Variants in DENND4C observed in about 807,000 individuals in gnomAD.
DENND4C encodes DENN domain-containing protein 4C.
In DENND4C, 108 loss-of-function variants were observed where a neutral mutation model predicts 203.0. The observed-to-expected ratio is 0.53, with a 90% CI of 0.46 to 0.62. DENND4C has a LOEUF of 0.62. Among genes scored for constraint, DENND4C ranks in the 20% least tolerant of loss-of-function variants. The pLI is 0.00. For synonymous variants in DENND4C, 871 were observed against 792.4 expected, an observed-to-expected ratio of 1.10 and a Z score of -1.67; for missense variants, 2,481 against 2,301.2, an observed-to-expected ratio of 1.08 and a Z score of -1.60.
At position 19,360,365 on chromosome 9, in the gene DENND4C, CTT is replaced by C; in HGVS notation, c.5283_5284del (p.Ser1762PhefsTer23). 1 of 1,614,070 alleles carries C rather than the reference CTT, an allele frequency of 6.2e-7. No individual in the cohort carries two copies. The highest frequency in any genetic ancestry group is 8.5e-7 in the Non-Finnish European group (1 of 1,180,000). ...GAAGGTGATCAGGTGATTCATACAT[CTT>C]CTTTCATCAATCAACATCCAATCAT... On this transcript the variant is annotated frameshift_variant, in exon 29 of 33. Coordinates refer to ENST00000434457, the MANE Select transcript of DENND4C (RefSeq NM_001330640.2). LOFTEE classifies it high-confidence loss of function.
Position 19,296,195 on chromosome 9 carries a change from T to A in DENND4C, c.989T>A (p.Met330Lys), listed in dbSNP as rs369054550. 6.2e-7 allele frequency: 1 copy of A among 1,613,964 alleles called. No homozygotes were observed. Among genetic ancestry groups the A allele is most frequent in the South Asian group, 1.1e-5 (1 of 91,066 alleles). The change falls in exon 6 of 33, where the codon ATG (methionine) becomes AAG (lysine). Residue 330 changes from methionine to lysine, a missense_variant. Transcript: ENST00000434457. ...TTTGAAGCTTTTAGGAAATTTCTTA[T>A]GTTTATCTACAAACTTTCTGTGTCT... ...PFFEAFRKFL[M>K]FIYKLSVSGP... is the part of the protein sequence containing the mutation.
intron 12 of DENND4C, among the ~76,000 whole-genome samples, chr9:19,322,333 A>G (rs1271054683): frequency 6.6e-6 from 1 of 152,166 alleles, no homozygotes; most frequent in East Asian, 1.9e-4. Flanking sequence ...TATGCTAGGT[A>G]GGTTTAACCA....
intron 26 of DENND4C, among the ~76,000 whole-genome samples, chr9:19,356,174 C>G (rs922395182): frequency 2.0e-5 from 3 of 152,028 alleles, no homozygotes; most frequent in African/African-American, 7.2e-5. Context: ...CTATCTGTCT[C>G]TCCACCAATC....
intron 9 of DENND4C, among the ~76,000 whole-genome samples, chr9:19,301,682 T>C (rs1838608773): frequency 6.6e-6 from 1 of 152,204 alleles, no homozygotes; most frequent in African/African-American, 2.4e-5. Context: ...CACACACCTG[T>C]AATCCCAGCA....
chr9:19,304,062 A>AC (rs1839151951), intron 9 of DENND4C, among the ~76,000 whole-genome samples: 1 of 150,094 alleles, frequency 6.7e-6, no homozygotes, highest in Non-Finnish European at 1.5e-5. Context: ...AAAAAAAAAA[A>AC]CCCACAAATG....
intron 9 of DENND4C, among the ~76,000 whole-genome samples, chr9:19,300,685 T>C (rs1420876706): frequency 6.6e-6 from 1 of 152,232 alleles, no homozygotes; most frequent in Non-Finnish European, 1.5e-5. Flanking sequence ...ATGCAAATGA[T>C]TACATGGTTA....
intron 10 of DENND4C, among the ~76,000 whole-genome samples, chr9:19,308,170 CT>C (rs1321428607): frequency 6.6e-6 from 1 of 152,040 alleles, no homozygotes; most frequent in Non-Finnish European, 1.5e-5. Context: ...TATATATTTC[CT>C]TGAGTATATG....
rs373180873 is a variant in DENND4C, at chr9:19,275,671, G to A, written c.-17-487G>A. On this transcript the variant is annotated intron_variant, in intron 1 of 32. Coordinates refer to ENST00000434457, the MANE Select transcript of DENND4C (RefSeq NM_001330640.2). Reference sequence around the variant, plus strand: ...ATTTTTGTAGAGATGGGGTTTTGCCGTGGTGGCTAGGCTGTTCTCGAGCTC... The same window carrying A: ...ATTTTTGTAGAGATGGGGTTTTGCCATGGTGGCTAGGCTGTTCTCGAGCTC... Among the ~76,000 whole-genome samples the A allele has an allele frequency of 1.5e-4, 23 of 151,702 alleles. 2 individuals are homozygous for A. The highest frequency in any genetic ancestry group is 4.6e-4 in the Admixed American group (7 of 15,222).
chr9:19,311,027 C>A (rs955566956), intron 10 of DENND4C, among the ~76,000 whole-genome samples: 1 of 152,066 alleles, frequency 6.6e-6, no homozygotes, highest in African/African-American at 2.4e-5. Context: ...GTATATAATG[C>A]TTTTATTTTT....
intron 20 of DENND4C, 23 bp downstream of exon 20, chr9:19,336,855 A>G: frequency 2.6e-6 from 4 of 1,541,022 alleles, no homozygotes; most frequent in Non-Finnish European, 3.5e-6. Flanking sequence ...AGATTTTACT[A>G]ACCCTTCACT....
Position 19,336,815 on chromosome 9 carries a change from A to G in DENND4C, c.2864A>G (p.Asp955Gly). 2 of 1,550,592 alleles carry G rather than the reference A, an allele frequency of 1.3e-6. No homozygotes were observed. Among genetic ancestry groups the G allele is most frequent in the South Asian group, 2.4e-5 (2 of 84,052 alleles). ...VRDLIRLESI[D>G]NHSSTGGQSD... ...GATTTAATCAGGCTTGAGTCCATTG[A>G]TAATCACTCTAGCACAGGTACTAAA... The change falls in exon 20 of 33, where the codon GAT (aspartate) becomes GGT (glycine). Residue 955 changes from aspartate (D) to glycine (G), a missense_variant. Physicochemically the swap from Asp to Gly is moderately conservative, Grantham distance 94 (BLOSUM62 -1). This residue lies in a region of DENND4C where 2,289 missense variants were observed against 2,113.3 expected (regional missense o/e 1.08). Transcript: ENST00000434457.
intron 1 of DENND4C, among the ~76,000 whole-genome samples, chr9:19,232,223 A>G (rs1275181555): frequency 1.3e-5 from 2 of 151,928 alleles, no homozygotes; most frequent in Non-Finnish European, 2.9e-5. Flanking sequence ...ATTTGTATTC[A>G]TGAACATGAT....
In DENND4C at chr9:19,352,634, A is replaced by G. The variant is rs1824414679; in HGVS notation, c.4750A>G (p.Ile1584Val). ...CKSNFLPLLN[I>V]EFKDLRGSAS... ...AAGCAACTTCTTGCCTCTTCTCAATATAGAATTCAAAGATTTGAGAGGTTC... is the reference window on the plus strand; with the variant it reads ...AAGCAACTTCTTGCCTCTTCTCAATGTAGAATTCAAAGATTTGAGAGGTTC... Residue 1584 changes from isoleucine to valine, a missense_variant, in exon 26 of 33, where the codon ATA becomes GTA. Physicochemically the swap from Ile to Val is conservative, Grantham distance 29. Coordinates refer to ENST00000434457, the MANE Select transcript of DENND4C (RefSeq NM_001330640.2). 1 of 1,610,236 alleles carries G rather than the reference A, an allele frequency of 6.2e-7. No homozygotes were observed. The highest frequency in any genetic ancestry group is 1.1e-5 in the South Asian group (1 of 90,476).
At chr9:19,288,230 G>A (rs540180859) in intron 3 of DENND4C, among the ~76,000 whole-genome samples, 114 of 152,328 alleles carry the variant, frequency 7.5e-4, no homozygotes, top group Non-Finnish European at 1.4e-3. Flanking sequence ...TGAAGACAGG[G>A]TTGCCTCTGG....
chr9:19,305,865 A>G (rs1008294413), intron 10 of DENND4C, among the ~76,000 whole-genome samples: 2 of 152,384 alleles, frequency 1.3e-5, no homozygotes, highest in South Asian at 2.1e-4. Flanking sequence ...GTTTAATTCA[A>G]AATCCATATG....
intron 17 of DENND4C, 122 bp from the exon 18 acceptor site, chr9:19,334,855 C>G: frequency 1.9e-6 from 2 of 1,032,716 alleles, no homozygotes; most frequent in South Asian, 2.1e-5. Flanking sequence ...CTAAGATGCT[C>G]AAAGCAGAAC....
At chr9:19,243,912 A>G (rs1266329682) in intron 1 of DENND4C, among the ~76,000 whole-genome samples, 3 of 152,156 alleles carry the variant, frequency 2.0e-5, no homozygotes, top group Non-Finnish European at 2.9e-5. Flanking sequence ...TCCAGGCTCA[A>G]TTATCTTCCT....
chr9:19,323,612 T>C (rs1843250496), intron 12 of DENND4C, among the ~76,000 whole-genome samples: 2 of 152,022 alleles, frequency 1.3e-5, no homozygotes, highest in African/African-American at 4.8e-5. Flanking sequence ...ATAGAGGAAA[T>C]TGTGGAATAG....
At chr9:19,248,767 C>T (rs1246096891) in intron 1 of DENND4C, among the ~76,000 whole-genome samples, 2 of 151,082 alleles carry the variant, frequency 1.3e-5, no homozygotes, top group Non-Finnish European at 2.9e-5. Context: ...TCCACTTTCT[C>T]TCTGTTTTGA....
Sources: gnomAD v4.1 joint callset for allele counts (sites outside exome capture counted in the v4.1 genomes callset) on GRCh38, gnomAD v4.1.1 for gene constraint, gnomAD v4.1.1 regional missense constraint, MANE v1.5 for transcripts, NCBI Gene and HGNC (gene_info 2026-07-23, HGNC 2026-07-21) for gene names.